The following FGF14 variants were observed in gnomAD, a reference collection of about 807,000 sequenced individuals.
FGF14 encodes the protein fibroblast growth factor homologous factor 4.
In FGF14, 5 loss-of-function variants were observed where a neutral mutation model predicts 25.5. The observed-to-expected ratio is 0.20, with a 90% CI of 0.10 to 0.41. FGF14 has a LOEUF of 0.41. Ranked by LOEUF, FGF14 falls within the 10% of genes least tolerant of loss-of-function variation. FGF14 has a pLI of 1.00. For missense variants in FGF14, 222 were observed against 320.1 expected, an observed-to-expected ratio of 0.69 and a Z score of 2.34; for synonymous variants, 138 against 118.3, an observed-to-expected ratio of 1.17 and a Z score of -1.08.
intron 1 of FGF14, among the ~76,000 whole-genome samples, chr13:101,906,665 A>C (rs1290323844): frequency 6.6e-6 from 1 of 152,156 alleles, no homozygotes; most frequent in African/African-American, 2.4e-5. Flanking sequence ...ATCTCAATGG[A>C]AGAGATAATA....
chr13:102,089,614 T>A (rs1003996180), intron 1 of FGF14, among the ~76,000 whole-genome samples: 1 of 152,208 alleles, frequency 6.6e-6, no homozygotes, highest in Non-Finnish European at 1.5e-5. Flanking sequence ...TTACATTATT[T>A]AGCATTCAGT....
At chr13:102,355,045 G>A (rs1310421803) in intron 1 of FGF14, among the ~76,000 whole-genome samples, 1 of 152,050 alleles carries the variant, frequency 6.6e-6, no homozygotes, top group African/African-American at 2.4e-5. Context: ...ATTTGCCTTT[G>A]TGACAGTCTT....
At chr13:101,797,774 T>TGCGCGCGC (rs2040631751) in intron 3 of FGF14, among the ~76,000 whole-genome samples, 1 of 147,322 alleles carries the variant, frequency 6.8e-6, no homozygotes, top group African/African-American at 2.5e-5. Context: ...TGTGTGTGTG[T>TGCGCGCGC]GTGTGTGTTC....
chr13:101,780,577 C>T (rs1252918601), intron 3 of FGF14, among the ~76,000 whole-genome samples: 3 of 152,156 alleles, frequency 2.0e-5, no homozygotes, highest in Admixed American at 6.5e-5. Flanking sequence ...GTCTAAATGA[C>T]AGTGTATAAT....
At chr13:101,758,059 C>G (rs2037775189) in intron 3 of FGF14, among the ~76,000 whole-genome samples, 1 of 152,124 alleles carries the variant, frequency 6.6e-6, no homozygotes, top group Non-Finnish European at 1.5e-5. Flanking sequence ...CCTGTGGATT[C>G]TCTTGAAGTT....
At chr13:102,100,398 A>C (rs1595272862) in intron 1 of FGF14, among the ~76,000 whole-genome samples, 1 of 152,310 alleles carries the variant, frequency 6.6e-6, no homozygotes, top group Non-Finnish European at 1.5e-5. Flanking sequence ...ATACCAGACA[A>C]GGAGTTAATT....
chr13:101,819,522 A>C (rs1042938162), intron 3 of FGF14, among the ~76,000 whole-genome samples: 1 of 152,232 alleles, frequency 6.6e-6, no homozygotes, highest in Admixed American at 6.5e-5. Context: ...GTGATGTAAA[A>C]GTAAACTTAA....
intron 1 of FGF14, among the ~76,000 whole-genome samples, chr13:102,164,957 G>A (rs2047934145): frequency 1.3e-5 from 2 of 152,136 alleles, no homozygotes; most frequent in Admixed American, 1.3e-4. Context: ...TAGCAAGAAG[G>A]GAGAATTAAT....
intron 1 of FGF14, among the ~76,000 whole-genome samples, chr13:102,278,381 A>G (rs1474156915): frequency 6.6e-6 from 1 of 152,190 alleles, no homozygotes; most frequent in African/African-American, 2.4e-5. Flanking sequence ...GCTTCAAGCT[A>G]AGCGCAAACA....
rs9585878 is a variant in FGF14 at position 102,230,379 on chromosome 13, A to C, written c.208+171092T>G. 3.0e-3 allele frequency among the ~76,000 whole-genome samples: 451 copies of C among 152,366 alleles called. 3 individuals are homozygous for C. Among genetic ancestry groups the C allele is most frequent in the African/African-American group, 0.01 (430 of 41,584 alleles). On this transcript the variant is annotated intron_variant, in intron 1 of 4. Transcript: ENST00000376131. ...GTTAAGAAGATAACCTTTGTCCTTA[A>C]GGAGCTCCCTGTCTACCAGGGAATA...
chr13:101,883,840 A>G (rs2045844869), intron 1 of FGF14, among the ~76,000 whole-genome samples: 1 of 151,910 alleles, frequency 6.6e-6, no homozygotes, highest in Non-Finnish European at 1.5e-5. Flanking sequence ...AGGCTGGCGG[A>G]TCACCTGAGG....
chr13:102,146,691 T>C (rs1311940192), intron 1 of FGF14, among the ~76,000 whole-genome samples: 1 of 152,130 alleles, frequency 6.6e-6, no homozygotes, highest in Non-Finnish European at 1.5e-5. Flanking sequence ...TTCAACTACA[T>C]CATGATACTT....
intron 1 of FGF14, among the ~76,000 whole-genome samples, chr13:102,218,517 AGAAG>A (rs2050471402): frequency 6.6e-6 from 1 of 151,996 alleles, no homozygotes; most frequent in African/African-American, 2.4e-5. Context: ...AAGAAAACTT[AGAAG>A]GAAGAAAATA....
chr13:102,148,602 A>G (rs1171198669), intron 1 of FGF14, among the ~76,000 whole-genome samples: 1 of 152,170 alleles, frequency 6.6e-6, no homozygotes, highest in Non-Finnish European at 1.5e-5. Flanking sequence ...TGAGCTCAGT[A>G]GCTCGCGACC....
chr13:102,203,480 C>A (rs187430817), intron 1 of FGF14, among the ~76,000 whole-genome samples: 2 of 152,166 alleles, frequency 1.3e-5, no homozygotes, highest in African/African-American at 4.8e-5. Flanking sequence ...TCCCTAGGAT[C>A]CTTTAGTTAT....
chr13:101,745,009 A>G (rs1414480412), intron 3 of FGF14, among the ~76,000 whole-genome samples: 2 of 152,094 alleles, frequency 1.3e-5, no homozygotes, highest in Non-Finnish European at 2.9e-5. Context: ...CTAGAATGGC[A>G]GAAATGACAA....
chr13:101,819,564 G>A lies in FGF14; in HGVS notation c.408+49161C>T, dbSNP rs1008053131. Among the ~76,000 whole-genome samples the A allele has an allele frequency of 3.9e-5, 6 of 152,234 alleles. 1 individual carries two copies. The South Asian group carries it at 8.3e-4, about 21-fold the overall frequency. ...AGTAAATAAAAATGAATTATATGGC[G>A]TAATTTTGTACTTAAAATTTGAGGA... On this transcript the variant is annotated intron_variant, in intron 3 of 4. Transcript: ENST00000376143.
intron 4 of FGF14, 74 bp from the exon 5 acceptor site, chr13:101,723,041 G>C: frequency 1.3e-6 from 2 of 1,554,416 alleles, no homozygotes; most frequent in Non-Finnish European, 8.9e-7. Flanking sequence ...ATCCATACCT[G>C]CATAGACCAC....
intron 1 of FGF14, among the ~76,000 whole-genome samples, chr13:102,385,122 A>C (rs1472515044): frequency 1.3e-5 from 2 of 152,232 alleles, no homozygotes; most frequent in African/African-American, 2.4e-5. Flanking sequence ...CAGCCAACAG[A>C]ATTATTCAGA....
Sources: allele counts gnomAD v4.1 joint callset (sites outside exome capture counted in the v4.1 genomes callset), GRCh38; gene constraint gnomAD v4.1.1; transcripts MANE v1.5; gene names NCBI Gene and HGNC (gene_info 2026-07-23, HGNC 2026-07-21).